The following SLC47A1 variants were observed in gnomAD, a reference collection of about 807,000 sequenced individuals.
SLC47A1 encodes solute carrier family 47 member 1.
A neutral mutation model predicts 65.8 loss-of-function variants in SLC47A1; 58 were observed. The observed-to-expected ratio is 0.88, with a 90% CI of 0.71 to 1.10. The LOEUF (loss-of-function observed/expected upper bound fraction) is 1.10, where lower values mean the gene tolerates loss of function less well. SLC47A1 is among the 50% of genes least tolerant of loss of function. The pLI is 0.00. For missense variants in SLC47A1, 706 were observed against 719.2 expected (o/e 0.98, Z 0.21); for synonymous variants, 285 against 295.0 (o/e 0.97, Z 0.35).
intron 12 of SLC47A1, among the ~76,000 whole-genome samples, chr17:19,563,227 G>T (rs369069505): frequency 1.9e-3 from 272 of 144,250 alleles, no homozygotes; most frequent in African/African-American, 6.7e-3. Flanking sequence ...CTGCCTCCCG[G>T]GTTCACGCCA....
At chr17:19,546,008 G>A (rs1036352962) in intron 2 of SLC47A1, among the ~76,000 whole-genome samples, 2 of 151,966 alleles carry the variant, frequency 1.3e-5, no homozygotes, top group African/African-American at 4.8e-5. Flanking sequence ...GGATCACGAG[G>A]TCAAGAGATC....
chr17:19,548,048 C>T lies in SLC47A1; in HGVS notation c.370C>T (p.Leu124Phe), dbSNP rs1482665467. The change falls in exon 4 of 17, where the codon CTC (leucine) becomes TTC (phenylalanine). Residue 124 changes from leucine (L) to phenylalanine (F), a missense_variant. By Grantham distance (22) the Leu-to-Phe change is conservative. Transcript: ENST00000270570. The stretch of plus-strand genomic sequence containing the variant: ...CCTGCAGCGGAGTGCGCTCGTCCTG[C>T]TCCTCTGCTGCTTCCCCTGCTGGGC... ...VILQRSALVL[L>F]LCCFPCWALF... The T allele has an allele frequency of 6.2e-6, 10 of 1,614,044 alleles. No homozygotes were observed. Among genetic ancestry groups the T allele is most frequent in the Non-Finnish European group, 8.5e-6 (10 of 1,180,046 alleles).
intron 16 of SLC47A1, 36 bp downstream of exon 16, chr17:19,572,897 G>A (rs771721297): frequency 8.8e-6 from 14 of 1,588,966 alleles, no homozygotes; most frequent in South Asian, 1.1e-5. Flanking sequence ...GGACAGGCCT[G>A]TCTAGGTAGG....
chr17:19,560,341 T>C (rs2084299124), intron 11 of SLC47A1, 45 bp downstream of exon 11: 1 of 1,608,810 alleles, frequency 6.2e-7, no homozygotes, highest in Middle Eastern at 1.7e-4. Context: ...AGTCTCTGCA[T>C]GCAAAACCCA....
At chr17:19,568,465 A>G (rs2084376411) in intron 14 of SLC47A1, among the ~76,000 whole-genome samples, 1 of 152,242 alleles carries the variant, frequency 6.6e-6, no homozygotes, top group South Asian at 2.1e-4. Flanking sequence ...TATGTCTAAA[A>G]TTATTGCAAC....
chr17:19,544,720 T>C (rs369930277), intron 2 of SLC47A1, among the ~76,000 whole-genome samples: 3 of 152,358 alleles, frequency 2.0e-5, no homozygotes, highest in East Asian at 3.9e-4. Flanking sequence ...CGGACTTTTC[T>C]GTGTTACTGT....
chr17:19,542,109 T>G (rs1916165200), intron 1 of SLC47A1, among the ~76,000 whole-genome samples: 1 of 151,922 alleles, frequency 6.6e-6, no homozygotes, highest in Non-Finnish European at 1.5e-5. Context: ...CAGGTGACAG[T>G]GTGAGACTCT....
In SLC47A1 at chr17:19,533,874, TCACTGCCGGCCTCCGCGGTACC is replaced by T. The variant is rs76164274; in HGVS notation, c.-48_-27del. On this transcript the variant is annotated 5_prime_UTR_variant, in exon 1 of 17. Transcript: ENST00000270570. Reference sequence around the variant, plus strand: ...TACCCACTGCCGGCCTGCGCGGTACTCACTGCCGGCCTCCGCGGTACCCACTGCCGGCCTCCGCGCTACCCGG... The same window carrying T: ...TACCCACTGCCGGCCTGCGCGGTACTCACTGCCGGCCTCCGCGCTACCCGG... 1.7e-5 allele frequency: 24 copies of T among 1,380,860 alleles called. No homozygotes were observed. In the African/African-American group the frequency reaches 1.8e-4, roughly 10 times the overall value. The allele number at this position is 1,380,860 out of a possible 1,614,324, so 85.5% of individuals were successfully genotyped here. A position where few individuals can be genotyped will look rare whatever the true frequency, so the allele number is the denominator to read the frequency against.
intron 7 of SLC47A1, 44 bp downstream of exon 7, chr17:19,555,353 C>A (rs1239141930): frequency 6.2e-7 from 1 of 1,600,478 alleles, no homozygotes; most frequent in East Asian, 2.2e-5. Flanking sequence ...GGATGACTTG[C>A]ATGTGGTTTT....
In SLC47A1 at chr17:19,555,991, C is replaced by T. The variant is rs777759660; in HGVS notation, c.854-4C>T. On this transcript the variant is annotated splice_polypyrimidine_tract_variant and splice_region_variant and intron_variant, in intron 9 of 16. Coordinates refer to ENST00000270570, the MANE Select transcript of SLC47A1 (RefSeq NM_018242.3). The stretch of plus-strand genomic sequence containing the variant: ...GCAAGGCGACAGCTGTCTTTCTTCA[C>T]CAGGCATCCTCGGCATGGTGGAGCT... 6 of 1,614,078 alleles carry T rather than the reference C, an allele frequency of 3.7e-6. No individual in the cohort carries two copies. The highest frequency in any genetic ancestry group is 5.1e-6 in the Non-Finnish European group (6 of 1,180,052).
intron 10 of SLC47A1, chr17:19,557,639 C>T (rs368109548): frequency 1.1e-4 from 57 of 517,838 alleles, no homozygotes; most frequent in Middle Eastern, 6.4e-4. Flanking sequence ...TGCCTCACAA[C>T]GTTTGTGCCT....
intron 12 of SLC47A1, among the ~76,000 whole-genome samples, chr17:19,561,811 C>T (rs774299737): frequency 1.7e-4 from 26 of 152,108 alleles, no homozygotes; most frequent in Admixed American, 3.3e-4. Context: ...CTTTTTAGTA[C>T]GATTAATTAC....
intron 16 of SLC47A1, among the ~76,000 whole-genome samples, chr17:19,573,141 T>G (rs2084413244): frequency 6.6e-6 from 1 of 152,226 alleles, no homozygotes; most frequent in Admixed American, 6.5e-5. Context: ...ATACTGTGCT[T>G]CTACCATAGC....
intron 12 of SLC47A1, 115 bp downstream of exon 12, chr17:19,560,608 A>T (rs190390282): frequency 9.1e-7 from 1 of 1,097,734 alleles, no homozygotes; most frequent in Admixed American, 1.9e-5. Flanking sequence ...AAATCATATC[A>T]GTAAAAAGAA....
At chr17:19,560,137 T>G (rs771947243) in intron 10 of SLC47A1, 51 bp from the exon 11 acceptor site, 1 of 1,377,846 alleles carries the variant, frequency 7.3e-7, no homozygotes, top group Non-Finnish European at 1.0e-6. Flanking sequence ...CTGCACGTGT[T>G]CTCGCTCTGC....
intron 2 of SLC47A1, among the ~76,000 whole-genome samples, chr17:19,545,724 A>G (rs1916271255): frequency 6.6e-6 from 1 of 150,952 alleles, no homozygotes; most frequent in Admixed American, 6.6e-5. Flanking sequence ...TCCTGGGCTC[A>G]AACGATCCTC....
intron 4 of SLC47A1, among the ~76,000 whole-genome samples, chr17:19,549,204 TG>T (rs1399246753): frequency 1.3e-5 from 2 of 152,118 alleles, no homozygotes; most frequent in East Asian, 3.9e-4. Flanking sequence ...TCCGCAGTTT[TG>T]TTTTTTTTTT....
intron 4 of SLC47A1, among the ~76,000 whole-genome samples, chr17:19,548,376 T>C (rs1219067797): frequency 1.3e-5 from 2 of 152,180 alleles, no homozygotes; most frequent in Non-Finnish European, 2.9e-5. Flanking sequence ...GCACCCTCCA[T>C]GTGGGATGGT....
intron 16 of SLC47A1, among the ~76,000 whole-genome samples, chr17:19,576,860 G>A (rs552128259): frequency 6.6e-6 from 1 of 151,998 alleles, no homozygotes; most frequent in South Asian, 2.1e-4. Context: ...CTGCCTCACT[G>A]CCTCAGCCTC....
Sources: gnomAD v4.1 joint callset for allele counts (sites outside exome capture counted in the v4.1 genomes callset) on GRCh38, gnomAD v4.1.1 for gene constraint, MANE v1.5 for transcripts, NCBI Gene and HGNC (gene_info 2026-07-23, HGNC 2026-07-21) for gene names.